Variants in ACER3 observed in about 807,000 individuals in gnomAD.
ACER3 encodes the protein alkaline ceramidase 3.
In ACER3, 16 loss-of-function variants were observed where a neutral mutation model predicts 48.9. That is an observed-to-expected ratio of 0.33 (90% CI 0.22 to 0.50). The LOEUF (loss-of-function observed/expected upper bound fraction) is 0.50. Ranked by LOEUF, ACER3 falls within the 20% of genes least tolerant of loss-of-function variation. The pLI, the probability that ACER3 is intolerant of heterozygous loss-of-function variation, is 0.98. For synonymous variants in ACER3, 109 were observed against 107.8 expected, an observed-to-expected ratio of 1.01 and a Z score of -0.07; for missense variants, 227 against 326.0, an observed-to-expected ratio of 0.70 and a Z score of 2.34.
At chr11:76,968,644 C>T (rs1160937024) in intron 3 of ACER3, among the ~76,000 whole-genome samples, 5 of 152,148 alleles carry the variant, frequency 3.3e-5, no homozygotes, top group Admixed American at 3.3e-4. Context: ...TGCCACATAT[C>T]TACAACTATC....
At chr11:77,003,904 A>G (rs1949082975) in intron 7 of ACER3, among the ~76,000 whole-genome samples, 1 of 152,302 alleles carries the variant, frequency 6.6e-6, no homozygotes, top group Admixed American at 6.5e-5. Flanking sequence ...GTCAGAGAAC[A>G]CACTCTGCAT....
At chr11:77,015,232 C>A in intron 8 of ACER3, 115 bp downstream of exon 8, 1 of 638,106 alleles carries the variant, frequency 1.6e-6, no homozygotes, top group East Asian at 2.8e-5. Context: ...CTATTGTTGA[C>A]ATTTAAAAGA....
At chr11:76,960,858 TTGGGGGGGTCATTTGACA>T (rs1205910617) in intron 3 of ACER3, among the ~76,000 whole-genome samples, 1 of 151,840 alleles carries the variant, frequency 6.6e-6, no homozygotes, top group African/African-American at 2.4e-5. Flanking sequence ...TCCTCCCAAG[TTGGGGGGGTCATTTGACA>T]TGCGGTTGGA....
intron 2 of ACER3, among the ~76,000 whole-genome samples, chr11:76,940,273 C>G (rs762577434): frequency 4.6e-5 from 7 of 151,834 alleles, no homozygotes; most frequent in Non-Finnish European, 1.0e-4. Context: ...CATGAGCCAC[C>G]GCACCCAGCC....
chr11:76,935,264 A>G (rs530583186), intron 2 of ACER3, among the ~76,000 whole-genome samples: 1 of 152,244 alleles, frequency 6.6e-6, no homozygotes, highest in African/African-American at 2.4e-5. Flanking sequence ...AAAAGATCCA[A>G]CGTGCATATA....
chr11:76,953,223 A>G (rs1947732758), intron 2 of ACER3, among the ~76,000 whole-genome samples: 2 of 152,232 alleles, frequency 1.3e-5, no homozygotes, highest in Non-Finnish European at 2.9e-5. Context: ...TTTATTCATT[A>G]TTTAAGCTAG....
chr11:76,992,602 TGAA>T (rs1256210466), intron 6 of ACER3, among the ~76,000 whole-genome samples: 1 of 152,064 alleles, frequency 6.6e-6, no homozygotes, highest in Admixed American at 6.6e-5. Context: ...GATAGAGAAA[TGAA>T]GAAATAAGGG....
chr11:76,868,112 T>C (rs1410984362), intron 1 of ACER3: 1 of 1,289,682 alleles, frequency 7.8e-7, no homozygotes, highest in East Asian at 5.5e-5. Flanking sequence ...TTCTTTTCCT[T>C]TTCTCAGGTT....
chr11:77,020,020 A>G (rs1949445343), intron 10 of ACER3, among the ~76,000 whole-genome samples: 1 of 152,226 alleles, frequency 6.6e-6, no homozygotes, highest in African/African-American at 2.4e-5. Context: ...TAAAGATCAG[A>G]GATAATTTAT....
At chr11:76,938,967 T>A (rs1288409920) in intron 2 of ACER3, among the ~76,000 whole-genome samples, 3 of 24,264 alleles carry the variant, frequency 1.2e-4, no homozygotes, top group African/African-American at 2.0e-4. Context: ...AGTAAGAAAG[T>A]GCTAAAAAAA....
At chr11:76,932,074 A>T (rs1195184487) in intron 2 of ACER3, among the ~76,000 whole-genome samples, 1 of 151,240 alleles carries the variant, frequency 6.6e-6, no homozygotes, top group Non-Finnish European at 1.5e-5. Context: ...TTAGCCTCCC[A>T]AGTAGCTGGG....
At chr11:76,958,434 A>G (rs6592685) in intron 2 of ACER3, among the ~76,000 whole-genome samples, 103,118 of 151,390 alleles carry the variant, frequency 0.68, 35,416 homozygotes, top group Non-Finnish European at 0.74. Context: ...TGGTCCACCC[A>G]CCTCAACCTC....
Position 77,026,113 on chromosome 11 carries a change from T to C in ACER3, c.*5786T>C, listed in dbSNP as rs1949546680. ...AGTTTTCAATATAAAGGGAATTCCA[T>C]TCTATACTGTAAAATCCAAAAATGC... On this transcript the variant is annotated 3_prime_UTR_variant, in exon 11 of 11. Transcript: ENST00000532485. 6.6e-6 allele frequency: 1 copy of C among 152,216 alleles called. No homozygotes were observed. The highest frequency in any genetic ancestry group is 2.4e-5 in the African/African-American group (1 of 41,454). 9.4% of individuals were successfully genotyped at this position (152,216 alleles called of 1,614,324 possible).
At chr11:76,995,288 G>T (rs1313404302) in intron 6 of ACER3, among the ~76,000 whole-genome samples, 3 of 152,066 alleles carry the variant, frequency 2.0e-5, no homozygotes, top group Non-Finnish European at 4.4e-5. Flanking sequence ...TATTGCCACT[G>T]CCTAGGATAC....
chr11:77,021,541 C>T lies in ACER3; in HGVS notation c.*1214C>T, dbSNP rs529189691. Reference sequence around the variant, plus strand: ...CTGGAGTAAAAATCTGATTTGACCCCTCTGCTCATGTTTCATCATATTTGT... The same window carrying T: ...CTGGAGTAAAAATCTGATTTGACCCTTCTGCTCATGTTTCATCATATTTGT... On this transcript the variant is annotated 3_prime_UTR_variant, in exon 11 of 11. Coordinates refer to ENST00000532485, the MANE Select transcript of ACER3 (RefSeq NM_018367.7). 1 of 152,264 alleles carries T rather than the reference C, an allele frequency of 6.6e-6. No homozygotes were observed. The highest frequency in any genetic ancestry group is 1.5e-5 in the Non-Finnish European group (1 of 68,006). The allele number at this position is 152,264 out of a possible 1,614,324, so 9.4% of individuals were successfully genotyped here. A position where few individuals can be genotyped will look rare whatever the true frequency, so the allele number is the denominator to read the frequency against.
intron 1 of ACER3, among the ~76,000 whole-genome samples, chr11:76,891,741 T>C (rs1385336940): frequency 6.6e-6 from 1 of 152,106 alleles, no homozygotes; most frequent in Non-Finnish European, 1.5e-5. Context: ...ACCCAGCTGG[T>C]GTCTGCTGTA....
At chr11:76,965,324 A>G (rs1426054960) in intron 3 of ACER3, among the ~76,000 whole-genome samples, 5 of 151,414 alleles carry the variant, frequency 3.3e-5, no homozygotes, top group Admixed American at 3.3e-4. Flanking sequence ...GACCAAATCT[A>G]CGTCTGATTG....
chr11:76,861,223 G>A (rs1420855904), intron 1 of ACER3, 144 bp downstream of exon 1: 6 of 730,790 alleles, frequency 8.2e-6, no homozygotes, highest in African/African-American at 7.3e-5. Context: ...CCCTGGGCCA[G>A]CGGGAGGCTG....
intron 1 of ACER3, among the ~76,000 whole-genome samples, chr11:76,902,810 C>T (rs1280801949): frequency 6.6e-6 from 1 of 152,128 alleles, no homozygotes; most frequent in Non-Finnish European, 1.5e-5. Context: ...AGCAGATGCT[C>T]GTGAGACTTG....
Sources: allele counts gnomAD v4.1 joint callset (sites outside exome capture counted in the v4.1 genomes callset), GRCh38; gene constraint gnomAD v4.1.1; transcripts MANE v1.5; gene names NCBI Gene and HGNC (gene_info 2026-07-23, HGNC 2026-07-21).